Variants in WDFY2 observed in about 807,000 individuals in gnomAD.
WDFY2 encodes WD repeat and FYVE domain containing 2.
A neutral mutation model predicts 56.4 loss-of-function variants in WDFY2; 36 were observed. The ratio of observed to expected loss-of-function variants is 0.64; its 90% CI spans 0.49 to 0.84. The LOEUF is 0.84. WDFY2 is among the 40% of genes least tolerant of loss of function. The pLI, the probability that WDFY2 is intolerant of heterozygous loss-of-function variation, is 0.00. For missense variants in WDFY2, 444 were observed against 512.2 expected (o/e 0.87, Z 1.29); for synonymous variants, 176 against 183.7 (o/e 0.96, Z 0.34).
chr13:51,751,562 T>A, intron 8 of WDFY2, 147 bp downstream of exon 8: 1 of 777,426 alleles, frequency 1.3e-6, no homozygotes, highest in Admixed American at 2.6e-5. Context: ...TTTGGGTTGT[T>A]TTTTTTTTCC....
At chr13:51,658,852 T>C (rs1161522197) in intron 1 of WDFY2, among the ~76,000 whole-genome samples, 1 of 152,178 alleles carries the variant, frequency 6.6e-6, no homozygotes, top group African/African-American at 2.4e-5. Context: ...ACATCATAAC[T>C]TAAATGTTCT....
At chr13:51,653,980 T>C (rs925082314) in intron 1 of WDFY2, among the ~76,000 whole-genome samples, 3 of 152,224 alleles carry the variant, frequency 2.0e-5, no homozygotes, top group African/African-American at 2.4e-5. Context: ...CTGCCTTTTG[T>C]TTGGCTATGC....
intron 3 of WDFY2, among the ~76,000 whole-genome samples, chr13:51,691,705 TTAAAG>T (rs1956162157): frequency 6.6e-6 from 1 of 151,988 alleles, no homozygotes; most frequent in African/African-American, 2.4e-5. Flanking sequence ...CATGTGAACT[TTAAAG>T]TAGTTTTTTC....
rs1459959284 is a variant in WDFY2 at position 51,596,411 on chromosome 13, G to T, written c.137+11587G>T. ...CATTTGGGAAATTTCTGTCACATCA[G>T]ATATGCAAAATATAAATCTTTGAGT... On this transcript the variant is annotated intron_variant, in intron 1 of 11. Coordinates refer to ENST00000298125, the MANE Select transcript of WDFY2 (RefSeq NM_052950.4). Among the ~76,000 whole-genome samples, 3 of 152,208 alleles carry T rather than the reference G, an allele frequency of 2.0e-5. No individual in the cohort carries two copies. The East Asian group carries it at 5.8e-4, about 29-fold the overall frequency.
chr13:51,755,462 G>T lies in WDFY2; in HGVS notation c.933+3G>T, dbSNP rs781073044. 5.0e-6 allele frequency: 8 copies of T among 1,612,334 alleles called. No homozygotes were observed. The highest frequency in any genetic ancestry group is 6.8e-6 in the Non-Finnish European group (8 of 1,178,440). Reference sequence around the variant, plus strand: ...GTAAGAAAATTGGTCTAAGACAGGTGAGTGATATGGATGCTTCATCAAAAT... The same window carrying T: ...GTAAGAAAATTGGTCTAAGACAGGTTAGTGATATGGATGCTTCATCAAAAT... On this transcript the variant is annotated splice_donor_region_variant and intron_variant, in intron 9 of 11. Coordinates refer to ENST00000298125, the MANE Select transcript of WDFY2 (RefSeq NM_052950.4).
intron 3 of WDFY2, among the ~76,000 whole-genome samples, chr13:51,691,044 G>A (rs183721777): frequency 6.6e-6 from 1 of 152,210 alleles, no homozygotes; most frequent in Non-Finnish European, 1.5e-5. Context: ...GATGAGGTTG[G>A]TTGTTTTTTT....
chr13:51,721,947 A>G (rs531849569), intron 5 of WDFY2, among the ~76,000 whole-genome samples: 9 of 151,864 alleles, frequency 5.9e-5, no homozygotes, highest in Admixed American at 5.2e-4. Context: ...ATTTAAATTT[A>G]GCTTTTAAAA....
intron 5 of WDFY2, 72 bp downstream of exon 5, chr13:51,719,420 G>T: frequency 1.3e-6 from 2 of 1,487,324 alleles, no homozygotes; most frequent in South Asian, 1.4e-5. Context: ...GAAATTTTGG[G>T]GTATGTGCAG....
intron 7 of WDFY2, among the ~76,000 whole-genome samples, chr13:51,750,944 A>G (rs547273111): frequency 6.6e-6 from 1 of 152,176 alleles, no homozygotes; most frequent in Non-Finnish European, 1.5e-5. Flanking sequence ...TTAAAAGGAA[A>G]AATCATGACT....
At chr13:51,752,026 C>T (rs1328446135) in intron 8 of WDFY2, among the ~76,000 whole-genome samples, 4 of 152,168 alleles carry the variant, frequency 2.6e-5, no homozygotes, top group Non-Finnish European at 5.9e-5. Context: ...TAACCATTTT[C>T]CAATTACGTT....
At chr13:51,720,967 TCTC>T (rs1203360562) in intron 5 of WDFY2, among the ~76,000 whole-genome samples, 2 of 151,624 alleles carry the variant, frequency 1.3e-5, no homozygotes, top group African/African-American at 4.9e-5. Context: ...TCTCTCTCTC[TCTC>T]TATTTCACAC....
At chr13:51,693,958 G>T (rs1395678513) in intron 3 of WDFY2, among the ~76,000 whole-genome samples, 1 of 151,482 alleles carries the variant, frequency 6.6e-6, no homozygotes, top group Non-Finnish European at 1.5e-5. Flanking sequence ...TGTCTCTTTT[G>T]ATCTTTGTTG....
At chr13:51,586,089 C>A in intron 1 of WDFY2, 2 of 398,562 alleles carry the variant, frequency 5.0e-6, no homozygotes, top group Non-Finnish European at 4.4e-6. Context: ...AGAAGAAATT[C>A]ATGGCTGAAA....
intron 1 of WDFY2, among the ~76,000 whole-genome samples, chr13:51,605,188 A>G (rs939933403): frequency 6.6e-6 from 1 of 152,188 alleles, no homozygotes. Flanking sequence ...AGATGAGTGG[A>G]TTCTGGATCT....
chr13:51,741,404 C>T (rs1952970770), intron 7 of WDFY2, among the ~76,000 whole-genome samples: 1 of 152,166 alleles, frequency 6.6e-6, no homozygotes. Context: ...AGAGCCAGCT[C>T]CTCCAAAATT....
intron 2 of WDFY2, among the ~76,000 whole-genome samples, chr13:51,672,936 G>A (rs1047145425): frequency 6.6e-6 from 1 of 152,088 alleles, no homozygotes; most frequent in East Asian, 1.9e-4. Context: ...TTATAGGAAC[G>A]GTTCTTTACT....
chr13:51,708,062 C>T (rs1466020971), intron 4 of WDFY2, among the ~76,000 whole-genome samples: 1 of 147,522 alleles, frequency 6.8e-6, no homozygotes, highest in Non-Finnish European at 1.5e-5. Flanking sequence ...TCTCCTGCCT[C>T]AGCCTCCCAA....
chr13:51,759,696 A>G, intron 11 of WDFY2, 44 bp from the exon 12 acceptor site: 4 of 1,608,644 alleles, frequency 2.5e-6, no homozygotes, highest in Non-Finnish European at 3.4e-6. Context: ...TGTTATCCTC[A>G]ACACAATTTT....
At chr13:51,628,345 C>T (rs1954878881) in intron 1 of WDFY2, among the ~76,000 whole-genome samples, 1 of 152,222 alleles carries the variant, frequency 6.6e-6, no homozygotes, top group Admixed American at 6.5e-5. Context: ...AGTGCCTGGG[C>T]TTTGCTTCAA....
Sources: gnomAD v4.1 joint callset for allele counts (sites outside exome capture counted in the v4.1 genomes callset) on GRCh38, gnomAD v4.1.1 for gene constraint, MANE v1.5 for transcripts, NCBI Gene and HGNC (gene_info 2026-07-23, HGNC 2026-07-21) for gene names.